Variants in OR56A3 observed in about 807,000 individuals in gnomAD.
The protein encoded by OR56A3 is olfactory receptor family 56 subfamily A member 3, also known as olfactory receptor 56A3.
OR56A3 carries 23 observed loss-of-function variants against 17.5 expected under a neutral mutation model. That is an observed-to-expected ratio of 1.32 (90% confidence interval 0.95 to 1.87). The LOEUF (loss-of-function observed/expected upper bound fraction) is 1.87, where lower values mean the gene tolerates loss of function less well. Ranked by LOEUF, OR56A3 falls within the 40% of genes most tolerant of loss-of-function variation. The pLI, the probability that OR56A3 is intolerant of heterozygous loss-of-function variation, is 0.00. For missense variants in OR56A3, 366 were observed against 380.1 expected (o/e 0.96, Z 0.31); for synonymous variants, 175 against 150.6 (o/e 1.16, Z -1.19).
At position 5,947,954 on chromosome 11, in the gene OR56A3, A is replaced by C; in HGVS notation, c.608A>C (p.Gln203Pro). ...CDDVTINHLY[Q>P]FAGGWTLLGS... ...GATGTCACCATCAATCACCTTTACC[A>C]ATTTGCTGGAGGCTGGACTCTGCTA... The change falls in exon 3 of 3, where the codon CAA becomes CCA. Residue 203 changes from glutamine (Q) to proline (P), a missense_variant. By Grantham distance (76) the Gln-to-Pro change is moderately conservative (BLOSUM62 -1). Transcript: ENST00000641160. 6.2e-7 allele frequency: 1 copy of C among 1,614,100 alleles called. No individual in the cohort carries two copies. The highest frequency in any genetic ancestry group is 2.2e-5 in the East Asian group (1 of 44,878).
chr11:6,014,231 T>C, the OR56A3 span, among the ~76,000 whole-genome samples: 3 of 152,144 alleles, frequency 2.0e-5, no homozygotes. Flanking sequence ...CAAAAACTAA[T>C]GACACTATGA....
chr11:5,967,875 C>A, the OR56A3 span: 1 of 1,577,386 alleles, frequency 6.3e-7, no homozygotes, highest in East Asian at 2.3e-5. Context: ...CAGCAGGGTC[C>A]AACCTATAAC....
At chr11:5,989,975 C>T in the OR56A3 span, among the ~76,000 whole-genome samples, 1 of 152,190 alleles carries the variant, frequency 6.6e-6, no homozygotes, top group East Asian at 1.9e-4. Context: ...TAATTCAACC[C>T]AAGCAACCTT....
chr11:5,967,879 C>T, the OR56A3 span: 2 of 1,579,478 alleles, frequency 1.3e-6, no homozygotes, highest in Non-Finnish European at 1.7e-6. Context: ...AGGGTCCAAC[C>T]TATAACAAAC....
the OR56A3 span, among the ~76,000 whole-genome samples, chr11:6,006,715 T>A: frequency 6.6e-6 from 1 of 152,226 alleles, no homozygotes; most frequent in Non-Finnish European, 1.5e-5. Context: ...ATGAAATGAC[T>A]TAGCCTCAGC....
chr11:5,993,265 G>A, the OR56A3 span, among the ~76,000 whole-genome samples: 5 of 152,194 alleles, frequency 3.3e-5, no homozygotes, highest in Non-Finnish European at 7.3e-5. Flanking sequence ...GGAGCACCAT[G>A]AAGAATTTTA....
chr11:5,997,432 C>A, the OR56A3 span, among the ~76,000 whole-genome samples: 13 of 152,168 alleles, frequency 8.5e-5, no homozygotes, highest in African/African-American at 3.1e-4. Flanking sequence ...CAGACCTACC[C>A]CCTCTGAGGT....
chr11:5,986,784 C>T, the OR56A3 span: 9 of 1,613,998 alleles, frequency 5.6e-6, no homozygotes, highest in South Asian at 8.8e-5. Flanking sequence ...AAAGGATGCC[C>T]AGGGGCAGTG....
At chr11:5,992,577 C>T in the OR56A3 span, among the ~76,000 whole-genome samples, 1 of 152,186 alleles carries the variant, frequency 6.6e-6, no homozygotes, top group Non-Finnish European at 1.5e-5. Context: ...CTGCCTGCCT[C>T]AGGTGAGTTG....
At chr11:5,968,463 G>A in the OR56A3 span, 1 of 1,562,978 alleles carries the variant, frequency 6.4e-7, no homozygotes, top group African/African-American at 1.4e-5. Flanking sequence ...TTCAAAGACT[G>A]GGGAAGTGGA....
the OR56A3 span, chr11:6,002,846 C>G: frequency 1.9e-6 from 3 of 1,613,944 alleles, no homozygotes; most frequent in Non-Finnish European, 2.5e-6. Context: ...GGATGGTGAT[C>G]AGGAGGGTGG....
At chr11:6,001,158 G>T in the OR56A3 span, 1 of 152,230 alleles carries the variant, frequency 6.6e-6, no homozygotes, top group Non-Finnish European at 1.5e-5. Context: ...GAAACTGTTG[G>T]CAGCTTTGCC....
At chr11:6,014,895 C>T in the OR56A3 span, among the ~76,000 whole-genome samples, 1 of 140,578 alleles carries the variant, frequency 7.1e-6, no homozygotes, top group African/African-American at 2.7e-5. Context: ...ATCTGTGGAA[C>T]TTTGATCTTG....
the OR56A3 span, among the ~76,000 whole-genome samples, chr11:5,998,711 G>A: frequency 6.6e-6 from 1 of 152,176 alleles, no homozygotes; most frequent in South Asian, 2.1e-4. Context: ...TATGGACTCT[G>A]TTTCATTTGC....
chr11:5,962,794 T>C, the OR56A3 span, among the ~76,000 whole-genome samples: 1 of 152,146 alleles, frequency 6.6e-6, no homozygotes, highest in Non-Finnish European at 1.5e-5. Flanking sequence ...CGCCTCGGCC[T>C]CCCAAAGTGC....
At chr11:5,944,075 C>T (rs1375298821) in intron 1 of OR56A3, among the ~76,000 whole-genome samples, 2 of 152,084 alleles carry the variant, frequency 1.3e-5, no homozygotes, top group Admixed American at 6.6e-5. Flanking sequence ...GAAGAAGGGT[C>T]GTTAGTCACC....
At chr11:5,969,598 A>G in the OR56A3 span, among the ~76,000 whole-genome samples, 6 of 152,204 alleles carry the variant, frequency 3.9e-5, no homozygotes, top group African/African-American at 1.2e-4. Context: ...CCCATTGCCT[A>G]TGTATTCAAC....
rs370847459 is a variant in OR56A3 at position 5,947,785 on chromosome 11, A to G, written c.439A>G (p.Lys147Glu). 16 of 1,614,156 alleles carry G rather than the reference A, an allele frequency of 9.9e-6. No individual in the cohort carries two copies. In the African/African-American group the frequency reaches 1.6e-4, roughly 16 times the overall value. Residue 147 changes from lysine (K) to glutamate (E), a missense_variant, in exon 3 of 3, where the codon AAG becomes GAG. Coordinates refer to ENST00000641160, the MANE Select transcript of OR56A3 (RefSeq NM_001003443.3). Reference sequence around the variant, plus strand: ...AATCATCACTGATCACTTTGTAGTCAAGGCTGCCATGTTTATTTTGACCAG... The same window carrying G: ...AATCATCACTGATCACTTTGTAGTCGAGGCTGCCATGTTTATTTTGACCAG... ...PSIITDHFVV[K>E]AAMFILTRNV...
chr11:5,992,769 A>T, the OR56A3 span, among the ~76,000 whole-genome samples: 1 of 152,130 alleles, frequency 6.6e-6, no homozygotes, highest in Non-Finnish European at 1.5e-5. Flanking sequence ...CCTTGGTCCC[A>T]TCTGTTACCC....
Sources: gnomAD v4.1 joint callset for allele counts (sites outside exome capture counted in the v4.1 genomes callset) on GRCh38, gnomAD v4.1.1 for gene constraint, MANE v1.5 for transcripts, NCBI Gene and HGNC (gene_info 2026-07-23, HGNC 2026-07-21) for gene names.